C5orf47: variants seen among roughly 807,000 people sequenced by gnomAD.
C5orf47 encodes chromosome 5 open reading frame 47.
In C5orf47, 20 loss-of-function variants were observed where a neutral mutation model predicts 20.6. That is an observed-to-expected ratio of 0.97 (90% CI 0.68 to 1.41). The LOEUF is 1.41. Ranked by LOEUF, C5orf47 falls within the 40% of genes most tolerant of loss-of-function variation. C5orf47 has a pLI of 0.00. For synonymous variants in C5orf47, 106 were observed against 97.3 expected (o/e 1.09, Z -0.53); for missense variants, 262 against 238.4 (o/e 1.10, Z -0.65).
At chr5:174,008,997 C>T (rs768751157), downstream of C5orf47, among the ~76,000 whole-genome samples, 7 of 152,020 alleles carry the variant, frequency 4.6e-5, no homozygotes, top group Non-Finnish European at 1.0e-4. Context: ...AGTAGACTAT[C>T]ATAAAATGGA....
intron 4 of C5orf47, among the ~76,000 whole-genome samples, chr5:174,003,055 C>T (rs1414968249): frequency 6.6e-6 from 1 of 152,036 alleles, no homozygotes; most frequent in Non-Finnish European, 1.5e-5. Context: ...CTTCACTGAT[C>T]CCTTATTGAT....
In C5orf47 at chr5:174,004,911, A is replaced by T. The variant is rs922196164; in HGVS notation, c.*657A>T. ...AATTTTTGGGCAAAGATCAGAGGAG[A>T]TGCCCTTTACCTTGCCAGGCCCCTA... On this transcript the variant is annotated 3_prime_UTR_variant, in exon 5 of 5. Transcript: ENST00000340147. The T allele has an allele frequency of 6.6e-6, 1 of 152,136 alleles. No homozygotes were observed. Among genetic ancestry groups the T allele is most frequent in the African/African-American group, 2.4e-5 (1 of 41,448 alleles). The allele number at this position is 152,136 out of a possible 1,614,324, so 9.4% of individuals were successfully genotyped here. A position where few individuals can be genotyped will look rare whatever the true frequency, so the allele number is the denominator to read the frequency against.
At chr5:174,008,846 GAAAA>G (rs1294078306), downstream of C5orf47, among the ~76,000 whole-genome samples, 4 of 144,012 alleles carry the variant, frequency 2.8e-5, no homozygotes, top group Non-Finnish European at 6.1e-5. Flanking sequence ...AAAAAAGAAA[GAAAA>G]ACAACTTCTG....
chr5:173,990,988 C>A (rs1177490544), intron 1 of C5orf47, among the ~76,000 whole-genome samples: 2 of 152,158 alleles, frequency 1.3e-5, no homozygotes, highest in Non-Finnish European at 2.9e-5. Context: ...CCAAGAGAAC[C>A]CCTGTATCCG....
At chr5:173,998,677 T>C (rs777988933) in intron 2 of C5orf47, among the ~76,000 whole-genome samples, 2 of 152,236 alleles carry the variant, frequency 1.3e-5, no homozygotes, top group Non-Finnish European at 2.9e-5. Context: ...GAGCCACTGC[T>C]GCTGAGCTGT....
At chr5:174,002,331 T>C (rs957128321) in intron 4 of C5orf47, among the ~76,000 whole-genome samples, 1 of 152,142 alleles carries the variant, frequency 6.6e-6, no homozygotes, top group African/African-American at 2.4e-5. Flanking sequence ...ATGTACACTT[T>C]GATTAAAAAT....
At chr5:173,998,084 T>C (rs1759130711) in intron 1 of C5orf47, 69 bp from the exon 2 acceptor site, 4 of 910,042 alleles carry the variant, frequency 4.4e-6, no homozygotes, top group African/African-American at 1.7e-5. Context: ...GAAACATTTA[T>C]ATGGTCTCTA....
intron 1 of C5orf47, among the ~76,000 whole-genome samples, 164 bp downstream of exon 1, chr5:173,989,752 C>A (rs1326236843): frequency 6.6e-6 from 1 of 152,242 alleles, no homozygotes; most frequent in Non-Finnish European, 1.5e-5. Context: ...CCCAGTAATT[C>A]CCTTCAGAGG....
Position 173,989,370 on chromosome 5 carries a change from G to A in C5orf47, c.107G>A (p.Gly36Glu). 6.6e-7 allele frequency: 1 copy of A among 1,523,064 alleles called. No individual in the cohort carries two copies. Among genetic ancestry groups the A allele is most frequent in the African/African-American group, 1.4e-5 (1 of 71,448 alleles). 94.3% of individuals were successfully genotyped at this position (1,523,064 alleles called of 1,614,324 possible). A position where few individuals can be genotyped will look rare whatever the true frequency, so the allele number is the denominator to read the frequency against. The stretch of plus-strand genomic sequence containing the variant: ...GGCGTCCTGCAACTGGGCGGCCGTG[G>A]AGCTCAAGGCCTTTGGGGTCAGGGG... ...CSGVLQLGGRGAQGLWGQGPG... is the reference protein window; with the variant it reads ...CSGVLQLGGREAQGLWGQGPG... Residue 36 changes from glycine (G) to glutamate (E), a missense_variant, in exon 1 of 5, where the codon GGA becomes GAA. Physicochemically the swap from Gly to Glu is moderately conservative, Grantham distance 98. Transcript: ENST00000340147.
At chr5:173,995,923 G>A (rs1417234849) in intron 1 of C5orf47, among the ~76,000 whole-genome samples, 2 of 152,164 alleles carry the variant, frequency 1.3e-5, no homozygotes, top group African/African-American at 4.8e-5. Flanking sequence ...TTCAGGAGTA[G>A]GCAAATCAGC....
At chr5:174,000,790 G>T (rs1759182941) in intron 3 of C5orf47, among the ~76,000 whole-genome samples, 1 of 152,064 alleles carries the variant, frequency 6.6e-6, no homozygotes, top group African/African-American at 2.4e-5. Context: ...GAGGTGGGGG[G>T]TGGATAGGAA....
At chr5:173,991,164 A>G (rs908215463) in intron 1 of C5orf47, among the ~76,000 whole-genome samples, 2 of 152,012 alleles carry the variant, frequency 1.3e-5, no homozygotes, top group African/African-American at 4.8e-5. Flanking sequence ...TTTTTCACTT[A>G]GCCTATTGGT....
chr5:173,990,500 T>C (rs1758973458), intron 1 of C5orf47, among the ~76,000 whole-genome samples: 1 of 152,072 alleles, frequency 6.6e-6, no homozygotes, highest in Non-Finnish European at 1.5e-5. Flanking sequence ...AATGACGTGA[T>C]CTTGGGTCAC....
chr5:173,991,191 G>T (rs959726805), intron 1 of C5orf47, among the ~76,000 whole-genome samples: 6 of 151,998 alleles, frequency 3.9e-5, no homozygotes, highest in South Asian at 2.1e-4. Context: ...TTACTCACTG[G>T]ATACTTTTAT....
At chr5:173,996,194 C>A (rs1270042873) in intron 1 of C5orf47, among the ~76,000 whole-genome samples, 1 of 152,050 alleles carries the variant, frequency 6.6e-6, no homozygotes, top group Non-Finnish European at 1.5e-5. Context: ...GAACAAAGCA[C>A]CGAGTATGGA....
chr5:174,008,785 A>G (rs1026570136), downstream of C5orf47, among the ~76,000 whole-genome samples: 16 of 149,696 alleles, frequency 1.1e-4, no homozygotes, highest in East Asian at 3.2e-3. Context: ...GTGAGCCAAG[A>G]TCGCGCCACT....
Position 173,989,449 on chromosome 5 carries a change from C to T in C5orf47, c.186C>T (p.Gly62=), listed in dbSNP as rs1413481222. The T allele has an allele frequency of 1.9e-6, 3 of 1,549,288 alleles. No individual in the cohort carries two copies. Among genetic ancestry groups the T allele is most frequent in the South Asian group, 1.2e-5 (1 of 83,672 alleles). Residue 62 remains glycine, a synonymous_variant, in exon 1 of 5, where the codon GGC becomes GGT. Coordinates refer to ENST00000340147, the MANE Select transcript of C5orf47 (RefSeq NM_001144954.2). Reference sequence around the variant, plus strand: ...CGAGGGAAGCAATGGCGGTGGCGGGCGTTCAGGGTGGCAGCGAGCTGCCCC... The same window carrying T: ...CGAGGGAAGCAATGGCGGTGGCGGGTGTTCAGGGTGGCAGCGAGCTGCCCC... The part of the protein sequence containing the change: ...EKPREAMAVA[G]VQGGSELPLG...
At chr5:174,003,363 C>T (rs552799295) in intron 4 of C5orf47, among the ~76,000 whole-genome samples, 1 of 152,044 alleles carries the variant, frequency 6.6e-6, no homozygotes, top group African/African-American at 2.4e-5. Context: ...GCAGAGGGTG[C>T]AGAGAGGAGA....
At chr5:174,003,848 A>G (rs1581198681) in intron 4 of C5orf47, among the ~76,000 whole-genome samples, 2 of 152,284 alleles carry the variant, frequency 1.3e-5, no homozygotes, top group African/African-American at 2.4e-5. Context: ...GTATAAGGGT[A>G]TAAAAAGTAG....
Sources: gnomAD v4.1 joint callset for allele counts (sites outside exome capture counted in the v4.1 genomes callset) on GRCh38, gnomAD v4.1.1 for gene constraint, MANE v1.5 for transcripts, NCBI Gene and HGNC (gene_info 2026-07-23, HGNC 2026-07-21) for gene names.